The following DNASE1L3 variants were observed in gnomAD, a reference collection of about 807,000 sequenced individuals.
DNASE1L3 encodes the protein deoxyribonuclease gamma.
In DNASE1L3, 27 loss-of-function variants were observed where a neutral mutation model predicts 30.9. The observed-to-expected ratio is 0.87, with a 90% confidence interval of 0.64 to 1.20. The LOEUF (loss-of-function observed/expected upper bound fraction) is 1.20. Among genes scored for constraint, DNASE1L3 ranks in the 50% most tolerant of loss-of-function variants. The pLI, the probability that DNASE1L3 is intolerant of heterozygous loss-of-function variation, is 0.00. For synonymous variants in DNASE1L3, 135 were observed against 138.0 expected (o/e 0.98, Z 0.15); for missense variants, 364 against 378.2 (o/e 0.96, Z 0.31).
In DNASE1L3 at chr3:58,197,342, C is replaced by T. The variant is rs999903683; in HGVS notation, c.704+479G>A. ...CTTACCTCTGCTAAGCTACAGTGCC[C>T]AGGGCCACCGCATAGGGTCCTGTGG... On this transcript the variant is annotated intron_variant, in intron 6 of 7. Transcript: ENST00000394549. This position sits in a 1 kb window ranked among gnomAD's most constrained non-coding sequence, Gnocchi z 5.3. 6.6e-6 allele frequency among the ~76,000 whole-genome samples: 1 copy of T among 152,214 alleles called. No individual in the cohort carries two copies. The highest frequency in any genetic ancestry group is 1.5e-5 in the Non-Finnish European group (1 of 68,036).
At chr3:58,208,349 C>G in intron 1 of DNASE1L3, 43 bp from the exon 2 acceptor site, 1 of 1,594,890 alleles carries the variant, frequency 6.3e-7, no homozygotes, top group Non-Finnish European at 8.6e-7. Context: ...TCATTTACCA[C>G]AGATAAATAA....
intron 3 of DNASE1L3, 56 bp downstream of exon 3, chr3:58,205,415 G>T: frequency 1.4e-6 from 2 of 1,460,808 alleles, no homozygotes; most frequent in South Asian, 1.1e-5. Flanking sequence ...CATGCATTTT[G>T]ATTCAATTCA....
intron 2 of DNASE1L3, 89 bp downstream of exon 2, chr3:58,208,129 G>T: frequency 7.8e-7 from 1 of 1,285,636 alleles, no homozygotes; most frequent in Non-Finnish European, 1.1e-6. Flanking sequence ...TCAAGTGCGG[G>T]ATCTCACATT....
chr3:58,195,772 C>T (rs139325797), intron 6 of DNASE1L3, among the ~76,000 whole-genome samples: 4,419 of 151,632 alleles, frequency 0.029, 94 homozygotes, highest in Non-Finnish European at 0.05. Context: ...GGCGACAGAG[C>T]AGGACTCTGT....
At chr3:58,198,096 CTGAAT>C in intron 5 of DNASE1L3, 118 bp from the exon 6 acceptor site, 1 of 1,204,132 alleles carries the variant, frequency 8.3e-7, no homozygotes, top group South Asian at 1.6e-5. Flanking sequence ...CTGTTATGGG[CTGAAT>C]CTTGTCTACC....
rs2097402899 is a variant in DNASE1L3, at chr3:58,204,788, C to G, written c.414G>C (p.Trp138Cys). ...DVFSREPFVV[W>C]FQSPHTAVKD... ...TCTTACCAGTGTGGGGAGATTGGAACCAGACCACAAAGGGCTCCCTGGAAA... is the reference window on the plus strand; with the variant it reads ...TCTTACCAGTGTGGGGAGATTGGAAGCAGACCACAAAGGGCTCCCTGGAAA... Residue 138 changes from tryptophan (W) to cysteine (C), a missense_variant, in exon 4 of 8, where the codon TGG (tryptophan) becomes TGC (cysteine). Trp to Cys is a radical substitution (Grantham distance 215). Transcript: ENST00000394549. 6.2e-7 allele frequency: 1 copy of G among 1,613,976 alleles called. No homozygotes were observed. Among genetic ancestry groups the G allele is most frequent in the Admixed American group, 1.7e-5 (1 of 59,998 alleles).
intron 5 of DNASE1L3, among the ~76,000 whole-genome samples, chr3:58,199,673 A>G (rs1272105797): frequency 6.9e-6 from 1 of 145,104 alleles, no homozygotes; most frequent in Non-Finnish European, 1.5e-5. Flanking sequence ...CAAGAAAAAA[A>G]AAAAAAAAGA....
In DNASE1L3 at chr3:58,204,649, T is replaced by C. The variant is rs974326703; in HGVS notation, c.433+120A>G. On this transcript the variant is annotated intron_variant, in intron 4 of 7. Coordinates refer to ENST00000394549, the MANE Select transcript of DNASE1L3 (RefSeq NM_004944.4). ...AACTGCATCGTCTACATTGAAGTAT[T>C]AGAAGCAATGCACTGTCACATCCAG... 10 of 753,210 alleles carry C rather than the reference T, an allele frequency of 1.3e-5. No homozygotes were observed. The African/African-American group carries it at 1.4e-4, about 11-fold the overall frequency. 46.7% of individuals were successfully genotyped at this position (753,210 alleles called of 1,614,324 possible). A position where few individuals can be genotyped will look rare whatever the true frequency, so the allele number is the denominator to read the frequency against.
Position 58,197,751 on chromosome 3 carries a change from C to T in DNASE1L3, c.704+70G>A. 6.2e-7 allele frequency: 1 copy of T among 1,606,484 alleles called. No individual in the cohort carries two copies. The highest frequency in any genetic ancestry group is 8.5e-7 in the Non-Finnish European group (1 of 1,176,150). ...TACTGGCGTGAGCCACAGTGCCCAG[C>T]CACCTTGCGTCTTTCCTAGTGCACA... On this transcript the variant is annotated intron_variant, in intron 6 of 7. Transcript: ENST00000394549. The surrounding 1 kb of genome is among the most constrained non-coding windows in gnomAD (Gnocchi z 5.3).
In DNASE1L3 at chr3:58,197,498, G is replaced by A. The variant is rs1005429056; in HGVS notation, c.704+323C>T. ...GACAAAGTCTCACTCTGTTACCCAGGCTGGAGTGCAGTGGTGCGATCCTGG... is the reference window on the plus strand; with the variant it reads ...GACAAAGTCTCACTCTGTTACCCAGACTGGAGTGCAGTGGTGCGATCCTGG... On this transcript the variant is annotated intron_variant, in intron 6 of 7. Coordinates refer to ENST00000394549, the MANE Select transcript of DNASE1L3 (RefSeq NM_004944.4). This position sits in a 1 kb window ranked among gnomAD's most constrained non-coding sequence, Gnocchi z 5.3. Among the ~76,000 whole-genome samples the A allele has an allele frequency of 6.6e-6, 1 of 152,012 alleles. No individual in the cohort carries two copies. Among genetic ancestry groups the A allele is most frequent in the Non-Finnish European group, 1.5e-5 (1 of 68,004 alleles).
rs12491947 is a variant in DNASE1L3 at position 58,205,503 on chromosome 3, G to T, written c.288C>A (p.Asn96Lys). 6.1e-3 allele frequency: 9,919 copies of T among 1,613,982 alleles called. 141 individuals are homozygous for T. The highest frequency in any genetic ancestry group is 0.053 in the Admixed American group (3,167 of 60,018). Residue 96 changes from asparagine (N) to lysine (K), a missense_variant, in exon 3 of 8, where the codon AAC becomes AAA. Physicochemically the swap from Asn to Lys is moderately conservative, Grantham distance 94. Transcript: ENST00000394549. ...GAAAGGCATATTGTTCTTTATATGT[G>T]TTTCTTCCAAGCCGAGAGCTAATCA... ...NYVISSRLGR[N>K]TYKEQYAFLY...
At chr3:58,195,207 G>A (rs939104328) in intron 6 of DNASE1L3, among the ~76,000 whole-genome samples, 3 of 152,216 alleles carry the variant, frequency 2.0e-5, no homozygotes, top group African/African-American at 7.2e-5. Context: ...CTGGAACTGA[G>A]ACCATCTTGT....
At chr3:58,204,977 G>A in intron 3 of DNASE1L3, 96 bp from the exon 4 acceptor site, 1 of 1,110,324 alleles carries the variant, frequency 9.0e-7, no homozygotes, top group South Asian at 1.4e-5. Context: ...TTTCTCAGAA[G>A]CCAGAGCAGG....
intron 1 of DNASE1L3, 129 bp downstream of exon 1, chr3:58,210,637 A>G: frequency 7.1e-7 from 1 of 1,408,872 alleles, no homozygotes; most frequent in East Asian, 2.3e-5. Context: ...TGAAGTGGTT[A>G]TTGTTCCAAG....
At chr3:58,196,553 A>G in intron 6 of DNASE1L3, among the ~76,000 whole-genome samples, 1 of 33,138 alleles carries the variant, frequency 3.0e-5, no homozygotes, top group African/African-American at 9.2e-5. Context: ...ACTCTGTCTA[A>G]AAAAAAAAAA....
At chr3:58,194,001 T>A (rs757543794) in intron 6 of DNASE1L3, among the ~76,000 whole-genome samples, 24 of 152,362 alleles carry the variant, frequency 1.6e-4, no homozygotes, top group South Asian at 4.1e-4. Context: ...CTCATGCTAG[T>A]ATCATGAAAT....
Position 58,205,568 on chromosome 3 carries a change from AC to A in DNASE1L3, c.231-9del. ...ATGCCTCTCCTTGAATTTCTAGAAA[AC>A]AAAGATTTAACACTGCATCTTGAAG... On this transcript the variant is annotated splice_polypyrimidine_tract_variant and intron_variant, in intron 2 of 7. Transcript: ENST00000394549. 1 of 1,609,910 alleles carries A rather than the reference AC, an allele frequency of 6.2e-7. No individual in the cohort carries two copies. Among genetic ancestry groups the A allele is most frequent in the Non-Finnish European group, 8.5e-7 (1 of 1,176,280 alleles).
chr3:58,195,113 G>A (rs762800481), intron 6 of DNASE1L3, among the ~76,000 whole-genome samples: 1 of 152,204 alleles, frequency 6.6e-6, no homozygotes, highest in East Asian at 1.9e-4. Context: ...CAGGGCACCA[G>A]CCAGATCCTG....
At chr3:58,203,358 C>G (rs771538599) in intron 4 of DNASE1L3, among the ~76,000 whole-genome samples, 1 of 152,232 alleles carries the variant, frequency 6.6e-6, no homozygotes, top group Non-Finnish European at 1.5e-5. Flanking sequence ...TGCCCTTTCT[C>G]CAGCCCTCTG....
Sources: allele counts gnomAD v4.1 joint callset (sites outside exome capture counted in the v4.1 genomes callset), GRCh38; gene constraint gnomAD v4.1.1; non-coding constraint Gnocchi (gnomAD v3.1); transcripts MANE v1.5; gene names NCBI Gene and HGNC (gene_info 2026-07-23, HGNC 2026-07-21).